YEATS2: variants seen among roughly 807,000 people sequenced by gnomAD.
YEATS2 encodes the protein YEATS domain-containing protein 2.
In YEATS2, 77 loss-of-function variants were observed where a neutral mutation model predicts 163.2. That is an observed-to-expected ratio of 0.47 (90% CI 0.39 to 0.57). The LOEUF is 0.57. YEATS2 is among the 20% of genes least tolerant of loss of function. YEATS2 has a pLI of 0.00. For synonymous variants in YEATS2, 631 were observed against 645.1 expected (o/e 0.98, Z 0.33); for missense variants, 1,549 against 1,729.8 (o/e 0.90, Z 1.85).
chr3:183,800,372 A>G, intron 23 of YEATS2, 94 bp from the exon 24 acceptor site: 5 of 855,108 alleles, frequency 5.8e-6, no homozygotes, highest in South Asian at 4.9e-5. Context: ...CAGTTTCCTT[A>G]CTGAGCTTCA....
At chr3:183,806,231 A>C (rs1188905024) in intron 27 of YEATS2, 2 of 452,350 alleles carry the variant, frequency 4.4e-6, no homozygotes, top group Non-Finnish European at 8.8e-6. Flanking sequence ...AGCCCCAGCC[A>C]TCATAACTTG....
At chr3:183,771,094 G>A (rs2582085) in intron 15 of YEATS2, among the ~76,000 whole-genome samples, 107,851 of 152,122 alleles carry the variant, frequency 0.71, 39,211 homozygotes, top group East Asian at 0.96. Flanking sequence ...TTTAGCAGAT[G>A]GGCCAGTGCC....
At chr3:183,735,966 A>T (rs1440812579) in intron 7 of YEATS2, among the ~76,000 whole-genome samples, 1 of 152,230 alleles carries the variant, frequency 6.6e-6, no homozygotes, top group Non-Finnish European at 1.5e-5. Flanking sequence ...TGTTTTGAGT[A>T]CTTAATGATA....
chr3:183,806,648 A>G (rs1208114042), intron 27 of YEATS2: 2 of 570,450 alleles, frequency 3.5e-6, no homozygotes, highest in African/African-American at 3.8e-5. Context: ...GATGGCAGTT[A>G]CCTTACATAG....
At chr3:183,805,795 A>T (rs1726131492) in intron 27 of YEATS2, among the ~76,000 whole-genome samples, 1 of 151,840 alleles carries the variant, frequency 6.6e-6, no homozygotes, top group Non-Finnish European at 1.5e-5. Context: ...TCCAAAAAAA[A>T]AAGGGGGGGC....
chr3:183,743,687 C>T (rs2109223383), intron 8 of YEATS2, among the ~76,000 whole-genome samples: 1 of 152,138 alleles, frequency 6.6e-6, no homozygotes, highest in African/African-American at 2.4e-5. Flanking sequence ...TCTTAGTGTT[C>T]CCTTAGACCC....
rs1362243546 is a variant in YEATS2 at position 183,728,804 on chromosome 3, G to A, written c.765G>A (p.Trp255Ter). Reference protein sequence around the residue: ...PSINHFVKKVWFFLHPSYKPN... With the variant: ...PSINHFVKKV ...TTAATCATTTTGTCAAGAAGGTTTGGTTCTTCCTTCATCCTAGCTATAAAC... is the reference window on the plus strand; with the variant it reads ...TTAATCATTTTGTCAAGAAGGTTTGATTCTTCCTTCATCCTAGCTATAAAC... Residue 255 changes from tryptophan to a stop codon, truncating the protein, a stop_gained, in exon 7 of 31, where the codon TGG becomes TGA. Transcript: ENST00000305135. LOFTEE classifies it high-confidence loss of function. The A allele has an allele frequency of 6.2e-7, 1 of 1,613,996 alleles. No individual in the cohort carries two copies. The highest frequency in any genetic ancestry group is 8.5e-7 in the Non-Finnish European group (1 of 1,180,004).
At chr3:183,741,916 A>T (rs1371259520) in intron 8 of YEATS2, among the ~76,000 whole-genome samples, 2 of 150,956 alleles carry the variant, frequency 1.3e-5, no homozygotes, top group Non-Finnish European at 3.0e-5. Context: ...GTTTTAAGAA[A>T]TATATTTTGT....
intron 11 of YEATS2, among the ~76,000 whole-genome samples, chr3:183,755,160 C>T (rs555352396): frequency 3.3e-5 from 5 of 151,970 alleles, no homozygotes; most frequent in Admixed American, 2.6e-4. Flanking sequence ...TTGTCACCTA[C>T]GCTGGAGTGC....
At chr3:183,808,606 A>G in intron 29 of YEATS2, 1 of 172,736 alleles carries the variant, frequency 5.8e-6, no homozygotes, top group Non-Finnish European at 1.2e-5. Flanking sequence ...CTGTAATCTC[A>G]GCACTTTGGG....
intron 1 of YEATS2, among the ~76,000 whole-genome samples, chr3:183,709,882 A>G (rs1287076548): frequency 6.6e-6 from 1 of 151,270 alleles, no homozygotes; most frequent in Non-Finnish European, 1.5e-5. Context: ...GGGTTTCCCC[A>G]TGTTAGCCAG....
intron 1 of YEATS2, among the ~76,000 whole-genome samples, chr3:183,701,540 C>G (rs1488416111): frequency 6.6e-6 from 1 of 152,076 alleles, no homozygotes; most frequent in Non-Finnish European, 1.5e-5. Flanking sequence ...GTACACACCA[C>G]CATGCCCAGC....
intron 1 of YEATS2, among the ~76,000 whole-genome samples, chr3:183,709,780 C>T (rs1039720230): frequency 4.0e-5 from 6 of 151,308 alleles, no homozygotes; most frequent in African/African-American, 1.5e-4. Flanking sequence ...CGGGTTCACG[C>T]CATTCTCCTG....
At chr3:183,785,253 TGAGGTGGGCA>T (rs1240995262) in intron 19 of YEATS2, among the ~76,000 whole-genome samples, 1 of 151,958 alleles carries the variant, frequency 6.6e-6, no homozygotes, top group Non-Finnish European at 1.5e-5. Context: ...TTTGGGAGGC[TGAGGTGGGCA>T]GATCACGAGG....
chr3:183,730,160 G>A (rs554909509), intron 7 of YEATS2, among the ~76,000 whole-genome samples: 114 of 125,442 alleles, frequency 9.1e-4, no homozygotes, highest in African/African-American at 3.2e-3. Context: ...CACCCCCCAG[G>A]TTCAAGCAGT....
At chr3:183,767,951 T>C (rs539128787) in intron 15 of YEATS2, among the ~76,000 whole-genome samples, 2 of 152,292 alleles carry the variant, frequency 1.3e-5, no homozygotes, top group African/African-American at 4.8e-5. Context: ...GGTCTAAAAA[T>C]GTGTGTATTG....
intron 13 of YEATS2, among the ~76,000 whole-genome samples, chr3:183,759,754 T>C (rs917010315): frequency 2.0e-5 from 3 of 152,222 alleles, no homozygotes; most frequent in Non-Finnish European, 4.4e-5. Context: ...GCTGGGGTTA[T>C]ATTCAGATAA....
At position 183,808,454 on chromosome 3, in the gene YEATS2, G is replaced by A. The variant is rs888448343; in HGVS notation, c.4086+350G>A. 3.4e-4 allele frequency among the ~76,000 whole-genome samples: 51 copies of A among 152,158 alleles called. 2 individuals are homozygous for A. The highest frequency in any genetic ancestry group is 1.5e-5 in the Non-Finnish European group (1 of 68,026). On this transcript the variant is annotated intron_variant, in intron 29 of 30. Coordinates refer to ENST00000305135, the MANE Select transcript of YEATS2 (RefSeq NM_018023.5). ...ACTGTCCTGACCCTGGCAAGGGGAC[G>A]AAAATGCCGCAGCCTCCTTCCCCAG... is the stretch of plus-strand genomic sequence containing the variant.
intron 7 of YEATS2, among the ~76,000 whole-genome samples, chr3:183,734,427 A>G (rs262980): frequency 0.41 from 61,587 of 152,012 alleles, 13,131 homozygotes; most frequent in East Asian, 0.65. Flanking sequence ...TGTAAGGATT[A>G]GGTAAGTTAA....
Sources: gnomAD v4.1 joint callset for allele counts (sites outside exome capture counted in the v4.1 genomes callset) on GRCh38, gnomAD v4.1.1 for gene constraint, MANE v1.5 for transcripts, NCBI Gene and HGNC (gene_info 2026-07-23, HGNC 2026-07-21) for gene names.